Variants in DHX35 observed in about 807,000 individuals in gnomAD.
DHX35 encodes the protein probable ATP-dependent RNA helicase DHX35.
DHX35 carries 84 observed loss-of-function variants against 99.6 expected under a neutral mutation model. The ratio of observed to expected loss-of-function variants is 0.84; its 90% confidence interval spans 0.71 to 1.01. The LOEUF (loss-of-function observed/expected upper bound fraction) is 1.01, where lower values mean the gene tolerates loss of function less well. Ranked by LOEUF, DHX35 falls within the 50% of genes least tolerant of loss-of-function variation. The probability of loss-of-function intolerance (pLI) is 0.00; values close to 1 mark genes in which losing one functional copy is unlikely to be tolerated. For missense variants in DHX35, 852 were observed against 888.5 expected (o/e 0.96, Z 0.52); for synonymous variants, 331 against 316.2 (o/e 1.05, Z -0.50).
chr20:39,029,137 T>C (rs2087004117), intron 19 of DHX35: 2 of 152,214 alleles, frequency 1.3e-5, no homozygotes, highest in African/African-American at 4.8e-5. Flanking sequence ...TGCTTTGAAT[T>C]GTTACTTTTA....
In DHX35 at chr20:39,006,291, C is replaced by T; in HGVS notation, c.1157C>T (p.Ser386Leu). 3.1e-6 allele frequency: 5 copies of T among 1,614,114 alleles called. No homozygotes were observed. Among genetic ancestry groups the T allele is most frequent in the Non-Finnish European group, 4.2e-6 (5 of 1,180,008 alleles). Residue 386 changes from serine (S) to leucine (L), a missense_variant, in exon 12 of 22, where the codon TCA (serine) becomes TTA (leucine). Coordinates refer to ENST00000252011, the MANE Select transcript of DHX35 (RefSeq NM_021931.4). Reference protein sequence around the residue: ...CLVVVPVSQASANQRAGRGGR... With the variant: ...CLVVVPVSQALANQRAGRGGR... Reference sequence around the variant, plus strand: ...GTGGTGGTGCCAGTCTCCCAGGCATCAGCTAATCAGCGAGCAGGACGTGGT... The same window carrying T: ...GTGGTGGTGCCAGTCTCCCAGGCATTAGCTAATCAGCGAGCAGGACGTGGT...
intron 13 of DHX35, among the ~76,000 whole-genome samples, chr20:39,012,563 T>C (rs1451997994): frequency 6.6e-6 from 1 of 151,968 alleles, no homozygotes; most frequent in Non-Finnish European, 1.5e-5. Context: ...AGAGTCTCTC[T>C]CTGTCACCCA....
intron 20 of DHX35, among the ~76,000 whole-genome samples, chr20:39,031,161 C>CAAA (rs112765650): frequency 7.4e-6 from 1 of 135,548 alleles, no homozygotes; most frequent in African/African-American, 2.7e-5. Flanking sequence ...GATTCCATGT[C>CAAA]AAAAAAAAAA....
chr20:39,006,754 T>C (rs1322742549), intron 12 of DHX35, among the ~76,000 whole-genome samples: 1 of 152,242 alleles, frequency 6.6e-6, no homozygotes, highest in Non-Finnish European at 1.5e-5. Flanking sequence ...GGTTCCCCTT[T>C]TACTTCTGGT....
At chr20:39,016,767 A>G (rs768254480) in intron 14 of DHX35, among the ~76,000 whole-genome samples, 13 of 151,690 alleles carry the variant, frequency 8.6e-5, no homozygotes, top group Admixed American at 5.9e-4. Flanking sequence ...CTGATGAGTC[A>G]TGATGTTGAG....
At position 39,003,875 on chromosome 20, in the gene DHX35, GTGTT is replaced by G; in HGVS notation, c.982_985del (p.Phe328LysfsTer10). On this transcript the variant is annotated frameshift_variant, in exon 11 of 22. Coordinates refer to ENST00000252011, the MANE Select transcript of DHX35 (RefSeq NM_021931.4). LOFTEE classifies it high-confidence loss of function. ...ACTGCCTTCCTTTGAGCAAATGAAA[GTGTT>G]TGAAAGGGTGTCACGCAGTGTCAGA... 1 of 1,614,186 alleles carries G rather than the reference GTGTT, an allele frequency of 6.2e-7. No individual in the cohort carries two copies. Among genetic ancestry groups the G allele is most frequent in the Non-Finnish European group, 8.5e-7 (1 of 1,180,030 alleles).
chr20:39,032,855 C>A (rs1311384551), intron 20 of DHX35, among the ~76,000 whole-genome samples: 3 of 152,180 alleles, frequency 2.0e-5, no homozygotes, highest in Non-Finnish European at 4.4e-5. Context: ...CACTGCAGAC[C>A]TAGAAGTTGC....
intron 21 of DHX35, among the ~76,000 whole-genome samples, chr20:39,035,896 A>G (rs548783720): frequency 6.6e-6 from 1 of 152,244 alleles, no homozygotes; most frequent in Non-Finnish European, 1.5e-5. Flanking sequence ...AGTTCTTCAC[A>G]CATCCCAATT....
intron 13 of DHX35, among the ~76,000 whole-genome samples, chr20:39,011,949 T>C (rs1422875135): frequency 6.6e-6 from 1 of 152,186 alleles, no homozygotes; most frequent in Non-Finnish European, 1.5e-5. Context: ...GAAGATATTA[T>C]AAAGAAAAGA....
intron 8 of DHX35, among the ~76,000 whole-genome samples, chr20:38,998,074 T>C (rs2086459366): frequency 1.3e-5 from 2 of 152,266 alleles, no homozygotes; most frequent in South Asian, 4.1e-4. Flanking sequence ...ATGATGGGGC[T>C]GATCGAATAG....
intron 4 of DHX35, among the ~76,000 whole-genome samples, chr20:38,984,677 C>T (rs1278897674): frequency 6.6e-6 from 1 of 152,026 alleles, no homozygotes; most frequent in African/African-American, 2.4e-5. Flanking sequence ...TTCTTCTTTC[C>T]ACCTTCCCTT....
At chr20:39,028,019 C>T (rs1052194339) in intron 18 of DHX35, among the ~76,000 whole-genome samples, 10 of 152,146 alleles carry the variant, frequency 6.6e-5, no homozygotes, top group Middle Eastern at 6.3e-3. Context: ...TATACTATCT[C>T]CAGTTTGTGT....
At position 39,001,735 on chromosome 20, in the gene DHX35, C is replaced by G; in HGVS notation, c.648C>G (p.Phe216Leu). 6.2e-7 allele frequency: 1 copy of G among 1,602,674 alleles called. No homozygotes were observed. Among genetic ancestry groups the G allele is most frequent in the Non-Finnish European group, 8.5e-7 (1 of 1,175,084 alleles). ...ATTAATTTTTTTCTTTTTAGAAATT[C>G]CGGGATTTCTTTAATCAAAATGAAA... The part of the protein sequence containing the change: ...VASATLDADK[F>L]RDFFNQNETS... The change falls in exon 9 of 22, where the codon TTC becomes TTG. Residue 216 changes from phenylalanine to leucine, a missense_variant. By Grantham distance (22) the Phe-to-Leu change is conservative (BLOSUM62 0). Coordinates refer to ENST00000252011, the MANE Select transcript of DHX35 (RefSeq NM_021931.4).
intron 4 of DHX35, among the ~76,000 whole-genome samples, chr20:38,985,773 A>G (rs766794664): frequency 7.9e-5 from 12 of 152,214 alleles, no homozygotes; most frequent in Non-Finnish European, 1.3e-4. Context: ...GTAGCCATGG[A>G]TAACTTCCAT....
chr20:38,983,773 T>A lies in DHX35; in HGVS notation c.342T>A (p.Val114=), dbSNP rs759872364. 1 of 1,613,170 alleles carries A rather than the reference T, an allele frequency of 6.2e-7. No individual in the cohort carries two copies. Among genetic ancestry groups the A allele is most frequent in the Admixed American group, 1.7e-5 (1 of 59,930 alleles). ...CCCAGCCTCGAAGAGTGGCTGCTGT[T>A]ACAGTGAGTTTCTTTTTGTGTTGGA... ...GVTQPRRVAA[V]TVAGRVAEER... The change falls in exon 4 of 22, where the codon GTT becomes GTA. Residue 114 remains valine, a synonymous_variant. Transcript: ENST00000252011.
At chr20:38,989,866 TAATC>T (rs1328250235) in intron 5 of DHX35, among the ~76,000 whole-genome samples, 1 of 152,214 alleles carries the variant, frequency 6.6e-6, no homozygotes, top group Non-Finnish European at 1.5e-5. Context: ...AATCAAAGTC[TAATC>T]AGACAGTGCA....
intron 21 of DHX35, among the ~76,000 whole-genome samples, chr20:39,037,593 T>C (rs1011612590): frequency 2.0e-5 from 3 of 151,184 alleles, no homozygotes; most frequent in Non-Finnish European, 4.4e-5. Context: ...CTGTGCTAAG[T>C]AGTGGGCACA....
chr20:38,983,213 CTGTT>C (rs2086200346), intron 3 of DHX35, among the ~76,000 whole-genome samples: 2 of 152,220 alleles, frequency 1.3e-5, no homozygotes, highest in African/African-American at 4.8e-5. Flanking sequence ...GCCGCCGTGC[CTGTT>C]CAATCAAATT....
chr20:38,989,699 ATGT>A (rs1417057649), intron 5 of DHX35, among the ~76,000 whole-genome samples: 1 of 152,274 alleles, frequency 6.6e-6, no homozygotes, highest in Non-Finnish European at 1.5e-5. Flanking sequence ...GAATTCATGA[ATGT>A]TGTTTCACTA....
Sources: gnomAD v4.1 joint callset for allele counts (sites outside exome capture counted in the v4.1 genomes callset) on GRCh38, gnomAD v4.1.1 for gene constraint, MANE v1.5 for transcripts, NCBI Gene and HGNC (gene_info 2026-07-23, HGNC 2026-07-21) for gene names.